SUPT3H: variants seen among roughly 807,000 people sequenced by gnomAD.
The protein encoded by SUPT3H is transcription initiation protein SPT3 homolog.
A neutral mutation model predicts 44.3 loss-of-function variants in SUPT3H; 44 were observed. The observed-to-expected ratio is 0.99, with a 90% CI of 0.78 to 1.28. SUPT3H has a LOEUF of 1.28. Ranked by LOEUF, SUPT3H falls within the 50% of genes most tolerant of loss-of-function variation. The probability of loss-of-function intolerance (pLI) is 0.00; values close to 1 mark genes in which losing one functional copy is unlikely to be tolerated. For synonymous variants in SUPT3H, 124 were observed against 125.6 expected (o/e 0.99, Z 0.09); for missense variants, 380 against 387.1 (o/e 0.98, Z 0.15).
chr6:45,263,728 C>A (rs1774782633), intron 2 of SUPT3H, among the ~76,000 whole-genome samples: 1 of 152,124 alleles, frequency 6.6e-6, no homozygotes. Context: ...GAATGCCATT[C>A]TTGTATCCCT....
At chr6:45,134,291 C>G (rs954970839) in intron 2 of SUPT3H, among the ~76,000 whole-genome samples, 1 of 152,220 alleles carries the variant, frequency 6.6e-6, no homozygotes, top group Admixed American at 6.5e-5. Flanking sequence ...TTCAGGGAGA[C>G]AAAGCCCTCA....
At chr6:45,234,869 A>T (rs981016411) in intron 2 of SUPT3H, among the ~76,000 whole-genome samples, 6 of 152,178 alleles carry the variant, frequency 3.9e-5, no homozygotes, top group African/African-American at 1.4e-4. Context: ...TATGAATTTT[A>T]ACACTCCCAA....
At chr6:44,816,453 A>G (rs1175887348) in intron 11 of SUPT3H, among the ~76,000 whole-genome samples, 1 of 152,208 alleles carries the variant, frequency 6.6e-6, no homozygotes, top group Non-Finnish European at 1.5e-5. Context: ...ATAACCTTAT[A>G]TCTATCTAAG....
At position 45,157,939 on chromosome 6, in the gene SUPT3H, A is replaced by G. The variant is rs573944345; in HGVS notation, c.102-51933T>C. On this transcript the variant is annotated intron_variant, in intron 2 of 10. Coordinates refer to ENST00000371459, the MANE Select transcript of SUPT3H (RefSeq NM_003599.4). The stretch of plus-strand genomic sequence containing the variant: ...TCATGATCAGCATTCTAAAAACTAT[A>G]TATCTAAACTTATAATTTCTGTAAT... Among the ~76,000 whole-genome samples, 51 of 151,454 alleles carry G rather than the reference A, an allele frequency of 3.4e-4. No homozygotes were observed. In the South Asian group the frequency reaches 4.0e-3, roughly 12 times the overall value.
intron 2 of SUPT3H, among the ~76,000 whole-genome samples, chr6:45,231,944 A>T (rs1258788759): frequency 6.6e-6 from 1 of 152,110 alleles, no homozygotes; most frequent in Non-Finnish European, 1.5e-5. Context: ...TTTGATTCTT[A>T]TTTATGATTA....
chr6:44,885,873 A>G (rs1026714036), intron 10 of SUPT3H, among the ~76,000 whole-genome samples: 1 of 152,188 alleles, frequency 6.6e-6, no homozygotes, highest in African/African-American at 2.4e-5. Context: ...TTTGAAAAAA[A>G]TTTAGATGAA....
intron 10 of SUPT3H, among the ~76,000 whole-genome samples, chr6:44,839,850 C>T (rs879366748): frequency 5.5e-4 from 84 of 152,038 alleles, no homozygotes; most frequent in Admixed American, 2.2e-3. Flanking sequence ...TACAGGTGCC[C>T]GCCACCACGC....
At position 44,828,395 on chromosome 6, in the gene SUPT3H, A is replaced by G. The variant is rs1394055098; in HGVS notation, c.*1421T>C. ...GCAAATTTTTTCTAAAAAGATTAAC[A>G]TAGAGCAGGTAAATGACAGTTAACA... On this transcript the variant is annotated 3_prime_UTR_variant, in exon 11 of 11. Coordinates refer to ENST00000371459, the MANE Select transcript of SUPT3H (RefSeq NM_003599.4). Among the ~76,000 whole-genome samples the G allele has an allele frequency of 1.3e-5, 2 of 152,190 alleles. No individual in the cohort carries two copies. Among genetic ancestry groups the G allele is most frequent in the Admixed American group, 6.5e-5 (1 of 15,270 alleles).
At position 45,138,472 on chromosome 6, in the gene SUPT3H, A is replaced by G. The variant is rs1247109105; in HGVS notation, c.102-32466T>C. ...TACTCAAATGTCCATCAACTGGTGA[A>G]TGCGATAAAAAAAATATGGCACGTC... On this transcript the variant is annotated intron_variant, in intron 2 of 10. Coordinates refer to ENST00000371459, the MANE Select transcript of SUPT3H (RefSeq NM_003599.4). Among the ~76,000 whole-genome samples, 4 of 152,158 alleles carry G rather than the reference A, an allele frequency of 2.6e-5. No individual in the cohort carries two copies. The East Asian group carries it at 7.7e-4, about 29-fold the overall frequency.
intron 3 of SUPT3H, among the ~76,000 whole-genome samples, chr6:45,101,150 G>A (rs1798512079): frequency 6.6e-6 from 1 of 152,196 alleles, no homozygotes; most frequent in Non-Finnish European, 1.5e-5. Context: ...AGTTGGCCAG[G>A]CGCGGAGGCT....
At chr6:45,365,346 T>C (rs1296700160) in intron 1 of SUPT3H, 45 bp from the exon 2 acceptor site, 3 of 1,251,608 alleles carry the variant, frequency 2.4e-6, no homozygotes, top group Middle Eastern at 3.9e-4. Flanking sequence ...TACCTAGCTA[T>C]AAGTAAATGC....
intron 3 of SUPT3H, among the ~76,000 whole-genome samples, chr6:45,026,921 G>A (rs1323552567): frequency 6.7e-6 from 1 of 149,904 alleles, no homozygotes; most frequent in Non-Finnish European, 1.5e-5. Flanking sequence ...TTTCAGTTTT[G>A]CTTTTGATGA....
chr6:45,036,776 T>C (rs981004555), intron 3 of SUPT3H, among the ~76,000 whole-genome samples: 9 of 152,118 alleles, frequency 5.9e-5, no homozygotes, highest in Non-Finnish European at 1.0e-4. Context: ...AAGTAGAGGA[T>C]GTGTTCCAGC....
intron 11 of SUPT3H, among the ~76,000 whole-genome samples, chr6:44,811,432 G>A (rs892630748): frequency 2.6e-5 from 4 of 152,226 alleles, no homozygotes; most frequent in African/African-American, 9.6e-5. Flanking sequence ...GTATGTATGG[G>A]TACCAAGTAG....
Position 44,880,041 on chromosome 6 carries a change from C to T in SUPT3H, c.913-50184G>A, listed in dbSNP as rs528134115. On this transcript the variant is annotated intron_variant, in intron 10 of 10. Transcript: ENST00000371459. ...TCTTCTCCAAAAAATCACAACTCCT[C>T]GCCAGCAAGGGAACAAAACTGGATG... 1.3e-3 allele frequency among the ~76,000 whole-genome samples: 202 copies of T among 152,150 alleles called. 2 individuals carry two copies. Among genetic ancestry groups the T allele is most frequent in the African/African-American group, 4.5e-3 (187 of 41,506 alleles).
chr6:45,303,907 T>C (rs1035778047), intron 2 of SUPT3H, among the ~76,000 whole-genome samples: 2 of 151,074 alleles, frequency 1.3e-5, no homozygotes, highest in Non-Finnish European at 3.0e-5. Flanking sequence ...GCAAAAGAAT[T>C]GCTTGAACCC....
At chr6:44,980,472 A>C (rs1250211914) in intron 6 of SUPT3H, among the ~76,000 whole-genome samples, 2 of 152,198 alleles carry the variant, frequency 1.3e-5, no homozygotes, top group African/African-American at 4.8e-5. Context: ...GAATGCTTAC[A>C]TTTCATTGGC....
chr6:45,012,097 GTT>G (rs369337555), intron 5 of SUPT3H, among the ~76,000 whole-genome samples: 1 of 134,368 alleles, frequency 7.4e-6, no homozygotes, highest in Admixed American at 7.4e-5. Flanking sequence ...TTTTTTGTCT[GTT>G]TTTTTTTTTC....
At chr6:45,198,686 A>G (rs188499479) in intron 2 of SUPT3H, among the ~76,000 whole-genome samples, 11 of 151,364 alleles carry the variant, frequency 7.3e-5, no homozygotes, top group African/African-American at 2.7e-4. Flanking sequence ...ATCCAGGGTT[A>G]TTTATAACAG....
Sources: gnomAD v4.1 joint callset for allele counts (sites outside exome capture counted in the v4.1 genomes callset) on GRCh38, gnomAD v4.1.1 for gene constraint, MANE v1.5 for transcripts, NCBI Gene and HGNC (gene_info 2026-07-23, HGNC 2026-07-21) for gene names.